Variants in SENP2 observed in about 807,000 individuals in gnomAD.
SENP2 encodes the protein SUMO specific peptidase 2.
In SENP2, 16 loss-of-function variants were observed where a neutral mutation model predicts 86.3. That is an observed-to-expected ratio of 0.19 (90% CI 0.13 to 0.28). SENP2 has a LOEUF of 0.28. SENP2 is among the 10% of genes least tolerant of loss of function. The pLI is 1.00. For missense variants in SENP2, 552 were observed against 703.0 expected, an observed-to-expected ratio of 0.79 and a Z score of 2.43; for synonymous variants, 222 against 238.7, an observed-to-expected ratio of 0.93 and a Z score of 0.64.
Position 185,598,559 on chromosome 3 carries a change from A to C in SENP2, c.291+14A>C. Reference sequence around the variant, plus strand: ...CCTTCAGGAGAGGTCAGTGGGGATGAGACTCCATTAGGAATACTGATCTTT... The same window carrying C: ...CCTTCAGGAGAGGTCAGTGGGGATGCGACTCCATTAGGAATACTGATCTTT... On this transcript the variant is annotated intron_variant, in intron 3 of 16. Transcript: ENST00000296257. 6.2e-7 allele frequency: 1 copy of C among 1,611,948 alleles called. No individual in the cohort carries two copies. The highest frequency in any genetic ancestry group is 8.5e-7 in the Non-Finnish European group (1 of 1,178,368).
At chr3:185,621,718 T>G in intron 13 of SENP2, 108 bp from the exon 14 acceptor site, 2 of 627,336 alleles carry the variant, frequency 3.2e-6, no homozygotes, top group Non-Finnish European at 5.4e-6. Context: ...ACATAAAAAA[T>G]TTATATTGGT....
At chr3:185,600,696 TTC>T (rs1228182155) in intron 4 of SENP2, 67 bp from the exon 5 acceptor site, 1 of 1,017,790 alleles carries the variant, frequency 9.8e-7, no homozygotes, top group African/African-American at 1.6e-5. Context: ...CAGATTTTTT[TTC>T]TTTCCTTATG....
intron 10 of SENP2, 38 bp downstream of exon 10, chr3:185,613,446 C>T (rs957491075): frequency 8.2e-7 from 1 of 1,218,796 alleles, no homozygotes. Flanking sequence ...TACCTGTTTA[C>T]TTATGTAACT....
At position 185,632,220 on chromosome 3, in the gene SENP2, TTTTG is replaced by T. The variant is rs1553842412; in HGVS notation, c.*2380_*2383del. Reference sequence around the variant, plus strand: ...TCACCATTAAAGCCAGTGGTTTTTTTTTTGTTTTTTTTTTTTGTTTTTTTTTTTT... The same window carrying T: ...TCACCATTAAAGCCAGTGGTTTTTTTTTTTTTTTTTTTGTTTTTTTTTTTT... On this transcript the variant is annotated 3_prime_UTR_variant, in exon 17 of 17. Transcript: ENST00000296257. 1.0e-4 allele frequency: 7 copies of T among 68,916 alleles called. No homozygotes were observed. The highest frequency in any genetic ancestry group is 5.2e-4 in the South Asian group (1 of 1,936). The allele number at this position is 68,916 out of a possible 1,614,324, so 4.3% of individuals were successfully genotyped here.
At chr3:185,628,773 TG>T (rs1712274637) in intron 16 of SENP2, among the ~76,000 whole-genome samples, 1 of 152,220 alleles carries the variant, frequency 6.6e-6, no homozygotes. Flanking sequence ...CCCAAAGTGC[TG>T]GGATTACAGG....
At chr3:185,610,595 A>G (rs1722655219) in intron 7 of SENP2, among the ~76,000 whole-genome samples, 1 of 152,254 alleles carries the variant, frequency 6.6e-6, no homozygotes, top group African/African-American at 2.4e-5. Context: ...TGTTGGAAAC[A>G]GCAGTATGTT....
Position 185,629,868 on chromosome 3 carries a change from G to A in SENP2, c.*24G>A. 1.2e-6 allele frequency: 2 copies of A among 1,611,082 alleles called. No homozygotes were observed. Reference sequence around the variant, plus strand: ...GAGAAAACTTTGCCTGGTCCCTCTAGCTGCTGGTGGTTCTTTCACAGACAT... The same window carrying A: ...GAGAAAACTTTGCCTGGTCCCTCTAACTGCTGGTGGTTCTTTCACAGACAT... On this transcript the variant is annotated 3_prime_UTR_variant, in exon 17 of 17. Coordinates refer to ENST00000296257, the MANE Select transcript of SENP2 (RefSeq NM_021627.3).
chr3:185,593,762 C>G, intron 2 of SENP2, among the ~76,000 whole-genome samples: 1 of 124,218 alleles, frequency 8.1e-6, no homozygotes, highest in African/African-American at 3.0e-5. Flanking sequence ...GAGTTTCTTT[C>G]TCGTTGCCCA....
At chr3:185,587,325 G>A (rs775383119) in intron 1 of SENP2, among the ~76,000 whole-genome samples, 5 of 151,892 alleles carry the variant, frequency 3.3e-5, no homozygotes, top group Admixed American at 3.3e-4. Context: ...TAGAGATGGG[G>A]TTTCACTATA....
In SENP2 at chr3:185,586,577, G is replaced by C; in HGVS notation, c.101+63G>C. On this transcript the variant is annotated intron_variant, in intron 1 of 16. Coordinates refer to ENST00000296257, the MANE Select transcript of SENP2 (RefSeq NM_021627.3). This position sits in a 1 kb window ranked among gnomAD's most constrained non-coding sequence, Gnocchi z 4.3. ...CCCCCTCCCCCACAGCGGGCTCCTC[G>C]GCCGTGATAGCTTTGATTCAGCCAG... 1 of 1,475,164 alleles carries C rather than the reference G, an allele frequency of 6.8e-7. No individual in the cohort carries two copies. The highest frequency in any genetic ancestry group is 1.1e-5 in the South Asian group (1 of 88,384). 91.4% of individuals were successfully genotyped at this position (1,475,164 alleles called of 1,614,324 possible). A position where few individuals can be genotyped will look rare whatever the true frequency, so the allele number is the denominator to read the frequency against.
chr3:185,586,619 T>G lies in SENP2; in HGVS notation c.101+105T>G. 1 of 1,067,248 alleles carries G rather than the reference T, an allele frequency of 9.4e-7. No homozygotes were observed. The highest frequency in any genetic ancestry group is 1.4e-6 in the Non-Finnish European group (1 of 720,044). 66.1% of individuals were successfully genotyped at this position (1,067,248 alleles called of 1,614,324 possible). ...TTCAGCCAGGCTCACCCGAAACAGG[T>G]CGCCGGGATCCTAGTGACGTAGTCG... is the stretch of plus-strand genomic sequence containing the variant. On this transcript the variant is annotated intron_variant, in intron 1 of 16. Coordinates refer to ENST00000296257, the MANE Select transcript of SENP2 (RefSeq NM_021627.3). This position sits in a 1 kb window ranked among gnomAD's most constrained non-coding sequence, Gnocchi z 4.3.
In SENP2 at chr3:185,629,948, C is replaced by A; in HGVS notation, c.*104C>A. ...AAAGTCCCTGCATCACTTCTGTTCT[C>A]ACAGGTACTGAGCTGTCAAAAGTGC... On this transcript the variant is annotated 3_prime_UTR_variant, in exon 17 of 17. Transcript: ENST00000296257. 1 of 1,155,048 alleles carries A rather than the reference C, an allele frequency of 8.7e-7. No individual in the cohort carries two copies. The highest frequency in any genetic ancestry group is 1.3e-6 in the Non-Finnish European group (1 of 777,962). The allele number at this position is 1,155,048 out of a possible 1,614,324, so 71.5% of individuals were successfully genotyped here.
rs943067285 is a variant in SENP2, at chr3:185,631,947, T to C, written c.*2103T>C. 1.3e-5 allele frequency: 2 copies of C among 151,690 alleles called. No homozygotes were observed. Among genetic ancestry groups the C allele is most frequent in the African/African-American group, 4.8e-5 (2 of 41,298 alleles). The allele number at this position is 151,690 out of a possible 1,614,324, so 9.4% of individuals were successfully genotyped here. A position where few individuals can be genotyped will look rare whatever the true frequency, so the allele number is the denominator to read the frequency against. On this transcript the variant is annotated 3_prime_UTR_variant, in exon 17 of 17. Transcript: ENST00000296257. The stretch of plus-strand genomic sequence containing the variant: ...CACTCTTCCGGACGGCTCTTAAAAC[T>C]TGCAGGACATAATGAAATTGGGAAG...
chr3:185,609,265 A>G lies in SENP2; in HGVS notation c.637A>G (p.Arg213Gly), dbSNP rs1178406807. 2 of 1,613,186 alleles carry G rather than the reference A, an allele frequency of 1.2e-6. No homozygotes were observed. The highest frequency in any genetic ancestry group is 1.7e-6 in the Non-Finnish European group (2 of 1,179,260). Reference protein sequence around the residue: ...TVEEGVQKEEREKYRKLLERL... With the variant: ...TVEEGVQKEEGEKYRKLLERL... Reference sequence around the variant, plus strand: ...TATTTAGGGTGTTCAAAAAGAGGAAAGAGAGAAGTACCGAAAGTTATTGGA... The same window carrying G: ...TATTTAGGGTGTTCAAAAAGAGGAAGGAGAGAAGTACCGAAAGTTATTGGA... The change falls in exon 7 of 17, where the codon AGA (arginine) becomes GGA (glycine). Residue 213 changes from arginine (R) to glycine (G), a missense_variant. Coordinates refer to ENST00000296257, the MANE Select transcript of SENP2 (RefSeq NM_021627.3).
In SENP2 at chr3:185,630,643, C is replaced by T. The variant is rs1365838888; in HGVS notation, c.*799C>T. ...TGGAAATGTGGTGACTTGGCTTAGT[C>T]TTCAAACTGGATTCATGGATTTGAA... On this transcript the variant is annotated 3_prime_UTR_variant, in exon 17 of 17. Coordinates refer to ENST00000296257, the MANE Select transcript of SENP2 (RefSeq NM_021627.3). 1 of 152,646 alleles carries T rather than the reference C, an allele frequency of 6.6e-6. No individual in the cohort carries two copies. Among genetic ancestry groups the T allele is most frequent in the African/African-American group, 2.4e-5 (1 of 41,438 alleles). The allele number at this position is 152,646 out of a possible 1,614,324, so 9.5% of individuals were successfully genotyped here.
chr3:185,614,428 TA>T, intron 10 of SENP2, 135 bp from the exon 11 acceptor site: 1 of 857,400 alleles, frequency 1.2e-6, no homozygotes. Flanking sequence ...ACAGATAGGG[TA>T]AATCTACTCA....
Position 185,589,109 on chromosome 3 carries a change from A to T in SENP2, c.102-1005A>T, listed in dbSNP as rs137899961. Among the ~76,000 whole-genome samples, 22 of 152,018 alleles carry T rather than the reference A, an allele frequency of 1.4e-4. No homozygotes were observed. The East Asian group carries it at 4.3e-3, about 29-fold the overall frequency. On this transcript the variant is annotated intron_variant, in intron 1 of 16. Coordinates refer to ENST00000296257, the MANE Select transcript of SENP2 (RefSeq NM_021627.3). Reference sequence around the variant, plus strand: ...TTTGCATGTGTGAATATAATTGATCATAAGGGTTCAGAGAGATGATGAGTA... The same window carrying T: ...TTTGCATGTGTGAATATAATTGATCTTAAGGGTTCAGAGAGATGATGAGTA...
chr3:185,624,497 T>C (rs1022069389), intron 15 of SENP2, among the ~76,000 whole-genome samples: 4 of 152,210 alleles, frequency 2.6e-5, no homozygotes, highest in African/African-American at 4.8e-5. Flanking sequence ...TTGGTGCTAA[T>C]GAAAGTTTAC....
At chr3:185,606,788 GTGACAGGATCAAGCATGT>G (rs1722529032) in intron 6 of SENP2, 1 of 520,824 alleles carries the variant, frequency 1.9e-6, no homozygotes, top group Admixed American at 2.3e-5. Flanking sequence ...CAGTGAGTCT[GTGACAGGATCAAGCATGT>G]TGCTTATCGA....
Sources: gnomAD v4.1 joint callset for allele counts (sites outside exome capture counted in the v4.1 genomes callset) on GRCh38, gnomAD v4.1.1 for gene constraint, Gnocchi (gnomAD v3.1) non-coding constraint, MANE v1.5 for transcripts, NCBI Gene and HGNC (gene_info 2026-07-23, HGNC 2026-07-21) for gene names.